FGF13: variants seen among roughly 807,000 people sequenced by gnomAD.
The protein encoded by FGF13 is fibroblast growth factor homologous factor 2.
Under a neutral mutation model 19.5 loss-of-function variants are expected in FGF13, and 2 were observed. The observed-to-expected ratio is 0.10, with a 90% confidence interval of 0.04 to 0.32. FGF13 has a LOEUF of 0.32. FGF13 is among the 10% of genes least tolerant of loss of function. The probability of loss-of-function intolerance (pLI) is 1.00; values close to 1 mark genes in which losing one functional copy is unlikely to be tolerated. For synonymous variants in FGF13, 72 were observed against 76.9 expected, an observed-to-expected ratio of 0.94 and a Z score of 0.33; for missense variants, 113 against 192.7, an observed-to-expected ratio of 0.59 and a Z score of 2.45.
intron 1 of FGF13, among the ~76,000 whole-genome samples, chrX:139,194,179 CT>C (rs1028141166): frequency 3.6e-5 from 4 of 110,767 alleles, no homozygotes; most frequent in Non-Finnish European, 5.6e-5. Flanking sequence ...AAATAACATT[CT>C]AAGACGTTGA....
intron 1 of FGF13, among the ~76,000 whole-genome samples, chrX:139,156,898 C>A: frequency 9.0e-6 from 1 of 111,604 alleles, no homozygotes. Flanking sequence ...AGAAGTAAAA[C>A]GCTAAGGAAA....
chrX:138,717,648 C>T (rs912474594), intron 1 of FGF13, among the ~76,000 whole-genome samples: 11 of 111,581 alleles, frequency 9.9e-5, no homozygotes, highest in Non-Finnish European at 1.9e-4. Flanking sequence ...GAGATCTGGT[C>T]TCTCTGTCAC....
chrX:138,976,027 A>C (rs190338911), intron 1 of FGF13, among the ~76,000 whole-genome samples: 1 of 111,445 alleles, frequency 9.0e-6, no homozygotes, highest in Non-Finnish European at 1.9e-5. Context: ...AAACAAATTA[A>C]AAATCTGAAT....
At chrX:138,972,748 C>A (rs755595139) in intron 1 of FGF13, among the ~76,000 whole-genome samples, 3 of 111,124 alleles carry the variant, frequency 2.7e-5, no homozygotes, top group Non-Finnish European at 5.7e-5. Context: ...TTTGCATTTA[C>A]GTGATGATTA....
intron 1 of FGF13, among the ~76,000 whole-genome samples, chrX:138,998,833 A>T (rs1258750294): frequency 8.9e-6 from 1 of 111,765 alleles, no homozygotes; most frequent in Non-Finnish European, 1.9e-5. Context: ...GACCAAGCAG[A>T]TCTAATAGAA....
chrX:138,680,875 A>G (rs2089720987), intron 3 of FGF13, among the ~76,000 whole-genome samples: 1 of 111,044 alleles, frequency 9.0e-6, no homozygotes, highest in Non-Finnish European at 1.9e-5. Context: ...CTTCATCTAC[A>G]TTGAAAATCT....
At chrX:138,689,049 T>C (rs1372525563) in intron 3 of FGF13, among the ~76,000 whole-genome samples, 1 of 111,578 alleles carries the variant, frequency 9.0e-6, no homozygotes, top group Non-Finnish European at 1.9e-5. Flanking sequence ...ACTGGGCATC[T>C]GGACCAAGAG....
intron 1 of FGF13, among the ~76,000 whole-genome samples, chrX:139,057,319 GA>G (rs1047270329): frequency 2.3e-4 from 23 of 98,910 alleles, no homozygotes; most frequent in South Asian, 1.7e-3. Context: ...CTGTCAAGAA[GA>G]AAAAAAAAAA....
chrX:138,722,034 C>T (rs941353182), intron 1 of FGF13, among the ~76,000 whole-genome samples: 3 of 111,147 alleles, frequency 2.7e-5, no homozygotes, highest in African/African-American at 9.8e-5. Context: ...GCTGACCTAC[C>T]TCATTCCAAA....
intron 1 of FGF13, among the ~76,000 whole-genome samples, chrX:138,897,010 A>G (rs2091507748): frequency 8.9e-6 from 1 of 111,780 alleles, no homozygotes; most frequent in Admixed American, 9.5e-5. Context: ...TTCAGAGGCA[A>G]GACAGAAAAT....
chrX:138,872,425 G>A (rs1259673188), intron 1 of FGF13, among the ~76,000 whole-genome samples: 1 of 111,415 alleles, frequency 9.0e-6, no homozygotes, highest in Non-Finnish European at 1.9e-5. Context: ...TGGCAGTGAT[G>A]GAAATGATGA....
chrX:139,182,174 A>G (rs2084245056), intron 1 of FGF13, among the ~76,000 whole-genome samples: 1 of 112,033 alleles, frequency 8.9e-6, no homozygotes, highest in Non-Finnish European at 1.9e-5. Flanking sequence ...TACTACTCTT[A>G]TCCCCATTTT....
intron 1 of FGF13, among the ~76,000 whole-genome samples, chrX:139,093,681 T>C (rs776658242): frequency 4.4e-4 from 49 of 112,005 alleles, no homozygotes; most frequent in African/African-American, 1.5e-3. Context: ...CTGGGGATGC[T>C]AGTGGTTCCA....
rs116761571 is a variant in FGF13, at chrX:138,943,887, G to T, written c.-112-79237C>A. Among the ~76,000 whole-genome samples the T allele has an allele frequency of 4.0e-3, 452 of 111,645 alleles. 3 individuals are homozygous for T. Among genetic ancestry groups the T allele is most frequent in the African/African-American group, 0.014 (430 of 30,681 alleles). ...CAACAGCAGCTGAAATACGCTATAG[G>T]GAGATGTCTGAAATCATTCATGAAA... is the stretch of plus-strand genomic sequence containing the variant. On this transcript the variant is annotated intron_variant, in intron 1 of 2. Transcript: ENST00000421460.
At chrX:138,896,159 C>G (rs2091502816) in intron 1 of FGF13, among the ~76,000 whole-genome samples, 1 of 111,426 alleles carries the variant, frequency 9.0e-6, no homozygotes, top group African/African-American at 3.3e-5. Context: ...CAAATATTCT[C>G]ACTATAAAAA....
At chrX:139,020,406 G>C (rs1294956305) in intron 1 of FGF13, among the ~76,000 whole-genome samples, 1 of 110,811 alleles carries the variant, frequency 9.0e-6, no homozygotes, top group Non-Finnish European at 1.9e-5. Context: ...TGACAGTCTA[G>C]GTCCTCCAGA....
chrX:138,980,014 T>C (rs1296993896), intron 1 of FGF13, among the ~76,000 whole-genome samples: 1 of 112,164 alleles, frequency 8.9e-6, no homozygotes, highest in Non-Finnish European at 1.9e-5. Context: ...AAAAATGTAC[T>C]TAAAATGTAT....
intron 3 of FGF13, among the ~76,000 whole-genome samples, chrX:138,783,203 TA>T (rs2090661111): frequency 1.3e-5 from 1 of 74,551 alleles, no homozygotes; most frequent in African/African-American, 5.9e-5. Flanking sequence ...CCTAAAACCA[TA>T]AAAACCCTAG....
At chrX:138,941,780 C>T (rs893170098) in intron 1 of FGF13, among the ~76,000 whole-genome samples, 3 of 111,671 alleles carry the variant, frequency 2.7e-5, no homozygotes, top group Non-Finnish European at 3.8e-5. Flanking sequence ...TCTCATTCCT[C>T]TGAAAAAAAA....
Sources: allele counts gnomAD v4.1 joint callset (sites outside exome capture counted in the v4.1 genomes callset), GRCh38; gene constraint gnomAD v4.1.1; transcripts MANE v1.5; gene names NCBI Gene and HGNC (gene_info 2026-07-23, HGNC 2026-07-21).